The following BLTP1 variants were observed in gnomAD, a reference collection of about 807,000 sequenced individuals.
BLTP1 encodes fragile site-associated protein.
chr4:122,249,757 C>T, the BLTP1 span: 1 of 1,559,112 alleles, frequency 6.4e-7, no homozygotes, highest in Non-Finnish European at 8.7e-7. Context: ...TTTGAACAAT[C>T]ATGGCTTTCA....
At chr4:122,188,254 A>T in the BLTP1 span, 1 of 638,630 alleles carries the variant, frequency 1.6e-6, no homozygotes, top group Admixed American at 6.3e-5. Context: ...GGATAAATGG[A>T]TATGCTATCC....
the BLTP1 span, among the ~76,000 whole-genome samples, chr4:122,282,484 A>T: frequency 6.6e-6 from 1 of 152,154 alleles, no homozygotes; most frequent in Non-Finnish European, 1.5e-5. Flanking sequence ...TCTGTTAAAA[A>T]TACAAAAATT....
At chr4:122,268,701 T>C in the BLTP1 span, among the ~76,000 whole-genome samples, 1 of 152,314 alleles carries the variant, frequency 6.6e-6, no homozygotes, top group African/African-American at 2.4e-5. Context: ...GTTGTCCAAT[T>C]CCCTCATTTG....
At chr4:122,198,332 A>C in the BLTP1 span, 1 of 985,342 alleles carries the variant, frequency 1.0e-6, no homozygotes, top group South Asian at 4.7e-5. Flanking sequence ...CAGAGTACGC[A>C]GTTCGAAAGA....
chr4:122,254,808 G>A, the BLTP1 span: 6 of 1,556,196 alleles, frequency 3.9e-6, no homozygotes, highest in Middle Eastern at 1.7e-4. Flanking sequence ...TAAAAAGGCA[G>A]CTGAACCTTT....
chr4:122,179,149 A>G, the BLTP1 span, among the ~76,000 whole-genome samples: 3 of 152,108 alleles, frequency 2.0e-5, no homozygotes, highest in Admixed American at 2.0e-4. Flanking sequence ...GTGTGCTGGT[A>G]TATGCCAGTA....
At chr4:122,311,186 G>A in the BLTP1 span, among the ~76,000 whole-genome samples, 500 of 152,064 alleles carry the variant, frequency 3.3e-3, 4 homozygotes, top group African/African-American at 0.011. Context: ...TGAGAAATAC[G>A]CTCTGACTCA....
the BLTP1 span, among the ~76,000 whole-genome samples, chr4:122,271,887 A>G: frequency 6.6e-6 from 1 of 152,158 alleles, no homozygotes; most frequent in Admixed American, 6.6e-5. Flanking sequence ...GAATTCAGAT[A>G]TCCTGCCACC....
At chr4:122,267,620 A>T in the BLTP1 span, 23 of 979,570 alleles carry the variant, frequency 2.3e-5, no homozygotes, top group Non-Finnish European at 2.4e-6. Context: ...AGTATTTTGT[A>T]TTAGAAATAG....
chr4:122,229,869 G>A, the BLTP1 span: 3 of 1,511,824 alleles, frequency 2.0e-6, no homozygotes, highest in Admixed American at 4.0e-5. Context: ...CAGTAGTTTT[G>A]GCTAAGCTAC....
the BLTP1 span, chr4:122,226,504 C>T: frequency 1.5e-6 from 2 of 1,340,048 alleles, no homozygotes; most frequent in South Asian, 3.8e-5. Context: ...TTTTGTCATT[C>T]ATAAAGGAAA....
the BLTP1 span, among the ~76,000 whole-genome samples, chr4:122,324,014 T>C: frequency 6.6e-6 from 1 of 152,076 alleles, no homozygotes; most frequent in African/African-American, 2.4e-5. Flanking sequence ...TTTGTTGTAA[T>C]GAAGAGTCCT....
chr4:122,158,804 A>G, the BLTP1 span, among the ~76,000 whole-genome samples: 1 of 152,182 alleles, frequency 6.6e-6, no homozygotes, highest in African/African-American at 2.4e-5. Flanking sequence ...AATTATTTTG[A>G]TAAGTATTTA....
the BLTP1 span, chr4:122,354,032 T>G: frequency 3.7e-6 from 6 of 1,608,982 alleles, no homozygotes; most frequent in Non-Finnish European, 5.1e-6. Context: ...AAATTTTGAG[T>G]CTTTGGAGAG....
the BLTP1 span, chr4:122,267,075 T>C: frequency 2.4e-6 from 1 of 415,450 alleles, no homozygotes; most frequent in Non-Finnish European, 4.1e-6. Flanking sequence ...TTTTTTTTTT[T>C]TGAGACGGAG....
the BLTP1 span, chr4:122,249,645 A>T: frequency 6.2e-7 from 1 of 1,613,676 alleles, no homozygotes; most frequent in Non-Finnish European, 8.5e-7. Context: ...GGGGATGGAT[A>T]ATGTTTGAAT....
chr4:122,160,095 G>T, the BLTP1 span, among the ~76,000 whole-genome samples: 1 of 152,222 alleles, frequency 6.6e-6, no homozygotes, highest in East Asian at 1.9e-4. Flanking sequence ...AAAGATGCTG[G>T]CCCTGTCCAG....
the BLTP1 span, chr4:122,286,864 T>A: frequency 8.4e-7 from 1 of 1,193,584 alleles, no homozygotes; most frequent in South Asian, 1.5e-5. Flanking sequence ...TATGTAGTAA[T>A]CCAAACTTTT....
At chr4:122,155,907 T>C in the BLTP1 span, 28 of 484,126 alleles carry the variant, frequency 5.8e-5, no homozygotes, top group Non-Finnish European at 7.5e-5. Flanking sequence ...GTAAAGAGGG[T>C]AGATGGATAG....
Sources: allele counts gnomAD v4.1 joint callset (sites outside exome capture counted in the v4.1 genomes callset), GRCh38; gene constraint gnomAD v4.1.1; transcripts MANE v1.5; gene names NCBI Gene and HGNC (gene_info 2026-07-23, HGNC 2026-07-21).